Variants in RALGPS2 observed in about 807,000 individuals in gnomAD.
The protein encoded by RALGPS2 is ras-specific guanine nucleotide-releasing factor RalGPS2.
Under a neutral mutation model 86.8 loss-of-function variants are expected in RALGPS2, and 43 were observed. The observed-to-expected ratio is 0.50, with a 90% CI of 0.39 to 0.64. The LOEUF is 0.64. RALGPS2 is among the 30% of genes least tolerant of loss of function. RALGPS2 has a pLI of 0.00. For synonymous variants in RALGPS2, 243 were observed against 231.3 expected (o/e 1.05, Z -0.46); for missense variants, 536 against 694.6 (o/e 0.77, Z 2.57).
intron 18 of RALGPS2, among the ~76,000 whole-genome samples, chr1:178,906,297 G>GT (rs1660384459): frequency 1.3e-5 from 2 of 151,954 alleles, no homozygotes; most frequent in Non-Finnish European, 2.9e-5. Context: ...ATCTCATAAA[G>GT]CTGGGAGGCA....
intron 1 of RALGPS2, among the ~76,000 whole-genome samples, chr1:178,748,890 CTAAG>C (rs1651493903): frequency 6.6e-6 from 1 of 150,488 alleles, no homozygotes; most frequent in Non-Finnish European, 1.5e-5. Flanking sequence ...TTGGGGGTGA[CTAAG>C]TATGTTCCCT....
intron 1 of RALGPS2, among the ~76,000 whole-genome samples, chr1:178,733,630 C>T (rs1650519969): frequency 6.6e-6 from 1 of 152,204 alleles, no homozygotes; most frequent in Non-Finnish European, 1.5e-5. Context: ...AAAATTGGTA[C>T]AGCCACTTTG....
chr1:178,854,284 T>C (rs1245988293), intron 8 of RALGPS2, among the ~76,000 whole-genome samples: 2 of 152,200 alleles, frequency 1.3e-5, no homozygotes, highest in Admixed American at 1.3e-4. Flanking sequence ...TTCATAGTCC[T>C]ACATAATACC....
At chr1:178,853,795 T>G (rs1657347491) in intron 8 of RALGPS2, 1 of 1,543,066 alleles carries the variant, frequency 6.5e-7, no homozygotes, top group Middle Eastern at 1.7e-4. Context: ...GTCCTATAAT[T>G]TAAATATCAT....
intron 7 of RALGPS2, among the ~76,000 whole-genome samples, chr1:178,831,518 C>T (rs1175659465): frequency 2.0e-5 from 3 of 152,004 alleles, no homozygotes; most frequent in Non-Finnish European, 4.4e-5. Context: ...TGTGGGTCTC[C>T]TCTTTCATTA....
intron 17 of RALGPS2, among the ~76,000 whole-genome samples, chr1:178,901,259 A>G (rs1368754963): frequency 6.6e-6 from 1 of 152,088 alleles, no homozygotes; most frequent in East Asian, 1.9e-4. Flanking sequence ...ATGTTACTAG[A>G]ACCGTCAAAG....
At chr1:178,741,366 A>T (rs557047263) in intron 1 of RALGPS2, among the ~76,000 whole-genome samples, 2 of 152,352 alleles carry the variant, frequency 1.3e-5, no homozygotes, top group South Asian at 4.1e-4. Flanking sequence ...ATTCAAACCC[A>T]GGTGGTCCAG....
chr1:178,918,009 G>T lies in RALGPS2; in HGVS notation c.*1650G>T, dbSNP rs1363963912. On this transcript the variant is annotated 3_prime_UTR_variant, in exon 20 of 20. Coordinates refer to ENST00000367635, the MANE Select transcript of RALGPS2 (RefSeq NM_152663.5). ...GAAAATATTGCTTATACAATAATTA[G>T]CTTAAAATCCATCCAAAGGAAAAGA... 6.6e-6 allele frequency: 1 copy of T among 152,090 alleles called. No individual in the cohort carries two copies. The highest frequency in any genetic ancestry group is 1.5e-5 in the Non-Finnish European group (1 of 67,994). 9.4% of individuals were successfully genotyped at this position (152,090 alleles called of 1,614,324 possible).
chr1:178,846,303 T>G (rs1402789840), intron 8 of RALGPS2, among the ~76,000 whole-genome samples: 45 of 152,158 alleles, frequency 3.0e-4, no homozygotes, highest in Admixed American at 2.9e-3. Flanking sequence ...CCATTTTCCT[T>G]TCTTTAGTTT....
chr1:178,767,601 T>C (rs1482866530), intron 1 of RALGPS2, among the ~76,000 whole-genome samples: 3 of 152,076 alleles, frequency 2.0e-5, no homozygotes, highest in Admixed American at 6.5e-5. Flanking sequence ...GTTCATGTGC[T>C]CCCCAGGAAT....
At chr1:178,784,965 T>A (rs1249452483) in intron 3 of RALGPS2, among the ~76,000 whole-genome samples, 2 of 152,050 alleles carry the variant, frequency 1.3e-5, no homozygotes, top group Non-Finnish European at 2.9e-5. Context: ...TTTCTCATTC[T>A]CCTTTAATTT....
At chr1:178,824,315 G>A (rs1655644905) in intron 7 of RALGPS2, among the ~76,000 whole-genome samples, 1 of 152,134 alleles carries the variant, frequency 6.6e-6, no homozygotes, top group Non-Finnish European at 1.5e-5. Context: ...TATGGTACCT[G>A]GAAGGGAATG....
intron 8 of RALGPS2, chr1:178,864,917 C>T: frequency 7.4e-7 from 1 of 1,354,868 alleles, no homozygotes; most frequent in Non-Finnish European, 9.6e-7. Context: ...AAATATAAAC[C>T]TCATACTCCC....
intron 9 of RALGPS2, among the ~76,000 whole-genome samples, chr1:178,878,485 A>G (rs1659092297): frequency 1.3e-5 from 2 of 152,178 alleles, no homozygotes; most frequent in Admixed American, 1.3e-4. Flanking sequence ...AGTATTTTAA[A>G]CATAGCATCA....
At chr1:178,883,675 G>T in intron 11 of RALGPS2, 142 bp downstream of exon 11, 1 of 715,048 alleles carries the variant, frequency 1.4e-6, no homozygotes, top group Non-Finnish European at 2.2e-6. Flanking sequence ...TCCTTTCTGG[G>T]TTTTTTGGTT....
At chr1:178,813,164 C>T (rs1458699806) in intron 6 of RALGPS2, among the ~76,000 whole-genome samples, 1 of 152,066 alleles carries the variant, frequency 6.6e-6, no homozygotes, top group Non-Finnish European at 1.5e-5. Flanking sequence ...GAACACCTGA[C>T]CTCAAGTGAT....
intron 8 of RALGPS2, chr1:178,865,864 A>G (rs1658372310): frequency 9.8e-7 from 1 of 1,020,714 alleles, no homozygotes; most frequent in Admixed American, 2.6e-5. Flanking sequence ...ATCTATGTTA[A>G]AGTCAGTAAT....
intron 1 of RALGPS2, chr1:178,747,142 CA>C: frequency 6.0e-6 from 6 of 998,842 alleles, no homozygotes; most frequent in Non-Finnish European, 9.6e-6. Context: ...CTTTTTCCAT[CA>C]AAACAAGACA....
intron 1 of RALGPS2, among the ~76,000 whole-genome samples, chr1:178,773,327 G>C (rs1432768936): frequency 6.6e-6 from 1 of 152,026 alleles, no homozygotes; most frequent in African/African-American, 2.4e-5. Flanking sequence ...CTGCATGACA[G>C]AGCAAGACCC....
Sources: allele counts gnomAD v4.1 joint callset (sites outside exome capture counted in the v4.1 genomes callset), GRCh38; gene constraint gnomAD v4.1.1; transcripts MANE v1.5; gene names NCBI Gene and HGNC (gene_info 2026-07-23, HGNC 2026-07-21).